The following CSMD2 variants were observed in gnomAD, a reference collection of about 807,000 sequenced individuals.
The protein encoded by CSMD2 is CUB and Sushi multiple domains 2, also known as CUB and sushi domain-containing protein 2.
A neutral mutation model predicts 398.5 loss-of-function variants in CSMD2; 130 were observed. The ratio of observed to expected loss-of-function variants is 0.33; its 90% CI spans 0.28 to 0.38. The LOEUF is 0.38. CSMD2 is among the 10% of genes least tolerant of loss of function. The pLI is 1.00. For missense variants in CSMD2, 3,829 were observed against 4,764.9 expected, an observed-to-expected ratio of 0.80 and a Z score of 5.78; for synonymous variants, 1,828 against 1,908.5, an observed-to-expected ratio of 0.96 and a Z score of 1.10.
intron 3 of CSMD2, among the ~76,000 whole-genome samples, chr1:33,949,467 A>G (rs1287651146): frequency 1.3e-5 from 2 of 152,160 alleles, no homozygotes; most frequent in Non-Finnish European, 2.9e-5. Context: ...TTGAATTCTA[A>G]AGACCTCCCG....
At chr1:33,846,303 GTTC>G (rs1374330022) in intron 6 of CSMD2, among the ~76,000 whole-genome samples, 3 of 152,228 alleles carry the variant, frequency 2.0e-5, no homozygotes, top group Admixed American at 1.3e-4. Context: ...CCACTAGACA[GTTC>G]TTCACAGATT....
intron 1 of CSMD2, among the ~76,000 whole-genome samples, chr1:34,094,943 C>A (rs1471209256): frequency 6.8e-6 from 1 of 146,270 alleles, no homozygotes; most frequent in East Asian, 2.0e-4. Context: ...CACCCCAAAT[C>A]AACAGAATAT....
At chr1:34,052,465 G>T (rs1412480905) in intron 2 of CSMD2, among the ~76,000 whole-genome samples, 1 of 148,302 alleles carries the variant, frequency 6.7e-6, no homozygotes, top group African/African-American at 2.5e-5. Context: ...CATGGGGGGG[G>T]GGTCGAGAAA....
At chr1:33,602,285 C>T (rs1640276362) in intron 43 of CSMD2, 84 bp downstream of exon 43, 3 of 1,477,524 alleles carry the variant, frequency 2.0e-6, no homozygotes, top group Non-Finnish European at 9.4e-7. Flanking sequence ...TTTTTCTAAA[C>T]CAATAGGTAA....
chr1:33,656,319 T>C (rs954761276), intron 27 of CSMD2, among the ~76,000 whole-genome samples: 5 of 152,178 alleles, frequency 3.3e-5, no homozygotes, highest in Admixed American at 2.0e-4. Flanking sequence ...AAGTAGTAAA[T>C]GGCAGAGCTA....
chr1:33,685,924 A>G (rs1219544134), intron 25 of CSMD2, among the ~76,000 whole-genome samples: 1 of 152,212 alleles, frequency 6.6e-6, no homozygotes, highest in African/African-American at 2.4e-5. Context: ...TCTGGCACAG[A>G]GCAGGTAATC....
chr1:33,532,626 T>G (rs1441815688), intron 64 of CSMD2, among the ~76,000 whole-genome samples: 3 of 152,186 alleles, frequency 2.0e-5, no homozygotes, highest in Non-Finnish European at 4.4e-5. Context: ...AGCGCAAGCA[T>G]GGGGCCACAT....
intron 13 of CSMD2, among the ~76,000 whole-genome samples, chr1:33,756,292 A>G (rs1199466511): frequency 6.6e-6 from 1 of 152,146 alleles, no homozygotes; most frequent in Non-Finnish European, 1.5e-5. Context: ...AAATGTCTCC[A>G]CCTAGCTCAA....
chr1:34,038,486 CTT>C (rs1361134234), intron 2 of CSMD2, among the ~76,000 whole-genome samples: 2 of 152,122 alleles, frequency 1.3e-5, no homozygotes, highest in African/African-American at 4.8e-5. Context: ...ACTGTCTTTT[CTT>C]TGTTTTTGCC....
chr1:34,007,029 G>A (rs1218568981), intron 3 of CSMD2, among the ~76,000 whole-genome samples: 1 of 152,098 alleles, frequency 6.6e-6, no homozygotes, highest in Non-Finnish European at 1.5e-5. Flanking sequence ...CTGGAAAGAG[G>A]CATGCCCTGT....
chr1:34,119,751 C>A (rs1212958267), intron 1 of CSMD2, among the ~76,000 whole-genome samples: 1 of 152,182 alleles, frequency 6.6e-6, no homozygotes, highest in African/African-American at 2.4e-5. Context: ...TAGCCACCAT[C>A]CACAAAACAG....
At chr1:33,764,020 A>G (rs1350992705) in intron 13 of CSMD2, among the ~76,000 whole-genome samples, 1 of 152,166 alleles carries the variant, frequency 6.6e-6, no homozygotes, top group Non-Finnish European at 1.5e-5. Flanking sequence ...GGATGGGTCA[A>G]GGATATACTT....
chr1:34,064,870 G>C (rs1654934339), intron 2 of CSMD2, among the ~76,000 whole-genome samples: 1 of 152,118 alleles, frequency 6.6e-6, no homozygotes, highest in Admixed American at 6.5e-5. Flanking sequence ...GGAGGCGAAA[G>C]GCACTTCTTA....
At chr1:33,929,283 T>A (rs1182280403) in intron 4 of CSMD2, among the ~76,000 whole-genome samples, 1 of 152,052 alleles carries the variant, frequency 6.6e-6, no homozygotes, top group East Asian at 1.9e-4. Context: ...TGGTTGCCCA[T>A]AATAGCTGCC....
rs1001623792 is a variant in CSMD2, at chr1:33,665,378, G to C, written c.4053-2286C>G. Among the ~76,000 whole-genome samples the C allele has an allele frequency of 1.3e-5, 2 of 149,170 alleles. 1 individual carries two copies. Among genetic ancestry groups the C allele is most frequent in the Middle Eastern group, 7.0e-3 (2 of 286 alleles). ...GTTATGCTTGGGCAGACCTCTCCCC[G>C]ACCCAACGATTCAAAAACAAAACAA... On this transcript the variant is annotated intron_variant, in intron 25 of 70. Transcript: ENST00000373381.
chr1:34,046,379 A>T (rs1158819102), intron 2 of CSMD2, among the ~76,000 whole-genome samples: 1 of 152,230 alleles, frequency 6.6e-6, no homozygotes, highest in African/African-American at 2.4e-5. Context: ...ATAAATACTT[A>T]TTCAGTTATT....
At chr1:33,573,749 T>C (rs2148702351) in intron 49 of CSMD2, among the ~76,000 whole-genome samples, 1 of 152,330 alleles carries the variant, frequency 6.6e-6, no homozygotes. Context: ...GGGATGGAAT[T>C]ATCATAGATG....
At chr1:34,119,444 T>C (rs1661943219) in intron 1 of CSMD2, among the ~76,000 whole-genome samples, 1 of 152,082 alleles carries the variant, frequency 6.6e-6, no homozygotes. Flanking sequence ...CTTAAGAACT[T>C]CTGTGCAGCA....
At chr1:33,649,950 G>A (rs889070325) in intron 28 of CSMD2, among the ~76,000 whole-genome samples, 1 of 152,154 alleles carries the variant, frequency 6.6e-6, no homozygotes, top group Non-Finnish European at 1.5e-5. Flanking sequence ...TTCCCACCTG[G>A]CACCTTGTCA....
Sources: allele counts gnomAD v4.1 joint callset (sites outside exome capture counted in the v4.1 genomes callset), GRCh38; gene constraint gnomAD v4.1.1; transcripts MANE v1.5; gene names NCBI Gene and HGNC (gene_info 2026-07-23, HGNC 2026-07-21).